PADI1: variants seen among roughly 807,000 people sequenced by gnomAD.
The protein encoded by PADI1 is peptidyl arginine deiminase 1, also known as protein-arginine deiminase type-1.
A neutral mutation model predicts 74.8 loss-of-function variants in PADI1; 65 were observed. The ratio of observed to expected loss-of-function variants is 0.87; its 90% CI spans 0.71 to 1.07. The LOEUF is 1.07. Among genes scored for constraint, PADI1 ranks in the 50% least tolerant of loss-of-function variants. The probability of loss-of-function intolerance (pLI) is 0.00; values close to 1 mark genes in which losing one functional copy is unlikely to be tolerated. For synonymous variants in PADI1, 371 were observed against 336.2 expected, an observed-to-expected ratio of 1.10 and a Z score of -1.13; for missense variants, 943 against 854.0, an observed-to-expected ratio of 1.10 and a Z score of -1.30.
intron 1 of PADI1, among the ~76,000 whole-genome samples, chr1:17,215,105 G>A (rs2071940456): frequency 6.6e-6 from 1 of 152,142 alleles, no homozygotes; most frequent in Non-Finnish European, 1.5e-5. Flanking sequence ...GTGGCCCTGG[G>A]CCTCAGACCT....
chr1:17,209,934 T>C (rs950921027), intron 1 of PADI1, among the ~76,000 whole-genome samples: 12 of 152,068 alleles, frequency 7.9e-5, no homozygotes, highest in African/African-American at 2.7e-4. Context: ...CACTACAACC[T>C]CCATCTCCCA....
intron 10 of PADI1, among the ~76,000 whole-genome samples, chr1:17,231,213 T>A (rs1043945755): frequency 6.6e-5 from 10 of 152,190 alleles, no homozygotes; most frequent in African/African-American, 2.2e-4. Context: ...ACCTTATGTA[T>A]TCCATGGGGT....
Position 17,242,187 on chromosome 1 carries a change from A to G in PADI1, c.1758+1427A>G, listed in dbSNP as rs139883560. ...TTAGCGGCCTCCCTGGTCTCTACCC[A>G]CTAGATGCCAATAGCACTCTCCCAG... On this transcript the variant is annotated intron_variant, in intron 15 of 15. Transcript: ENST00000375471. Among the ~76,000 whole-genome samples, 1,268 of 152,286 alleles carry G rather than the reference A, an allele frequency of 8.3e-3. 18 individuals are homozygous for G. The highest frequency in any genetic ancestry group is 0.029 in the African/African-American group (1,218 of 41,550).
At chr1:17,223,425 G>T in intron 2 of PADI1, 196 bp from the exon 3 acceptor site, 1 of 582,794 alleles carries the variant, frequency 1.7e-6, no homozygotes, top group South Asian at 2.0e-5. Context: ...ACCAAGGTGG[G>T]CTCCACAGCC....
chr1:17,238,937 G>A lies in PADI1; in HGVS notation c.1552+228G>A, dbSNP rs373653077. ...TGCCCCAGGTGCCGGTCAATGCCAG[G>A]CATGTTCTTGTTCTCACTCCCCTTT... On this transcript the variant is annotated intron_variant, in intron 13 of 15. Coordinates refer to ENST00000375471, the MANE Select transcript of PADI1 (RefSeq NM_013358.3). Among the ~76,000 whole-genome samples, 13 of 152,308 alleles carry A rather than the reference G, an allele frequency of 8.5e-5. No homozygotes were observed. The South Asian group carries it at 2.3e-3, about 27-fold the overall frequency.
chr1:17,237,532 A>G, intron 12 of PADI1, 74 bp downstream of exon 12: 1 of 1,423,220 alleles, frequency 7.0e-7, no homozygotes. Flanking sequence ...GGGCAAAGCC[A>G]TCTGGAACCA....
intron 1 of PADI1, among the ~76,000 whole-genome samples, chr1:17,207,476 C>T (rs2071714119): frequency 1.3e-5 from 2 of 152,142 alleles, no homozygotes; most frequent in Admixed American, 6.5e-5. Flanking sequence ...ATAAATGAGC[C>T]CATGCATGTA....
intron 8 of PADI1, among the ~76,000 whole-genome samples, chr1:17,229,843 T>G (rs745664546): frequency 1.3e-5 from 2 of 152,232 alleles, no homozygotes; most frequent in African/African-American, 2.4e-5. Context: ...CTCCCTGTGC[T>G]GGGTTAGGTG....
chr1:17,220,141 T>C (rs908328626), intron 1 of PADI1, among the ~76,000 whole-genome samples: 2 of 127,310 alleles, frequency 1.6e-5, no homozygotes, highest in Admixed American at 8.2e-5. Context: ...ATGGGGGAGG[T>C]GGGTCTTGCC....
At chr1:17,223,585 G>A (rs754929800) in intron 2 of PADI1, 36 bp from the exon 3 acceptor site, 34 of 1,559,322 alleles carry the variant, frequency 2.2e-5, no homozygotes, top group Non-Finnish European at 2.9e-5. Context: ...ATCTCTGAAG[G>A]TGATGGCCGT....
chr1:17,240,833 C>G, intron 15 of PADI1, 73 bp downstream of exon 15: 1 of 1,535,610 alleles, frequency 6.5e-7, no homozygotes, highest in Non-Finnish European at 8.9e-7. Flanking sequence ...TGGCCCAGGG[C>G]AGGCTGGTGC....
chr1:17,224,436 C>T lies in PADI1; in HGVS notation c.408+8C>T. Reference sequence around the variant, plus strand: ...AGGAGCCAAGGGGACAAGGTGAGACCCTTCCGGGCACCCCAAGGCTGCGGG... The same window carrying T: ...AGGAGCCAAGGGGACAAGGTGAGACTCTTCCGGGCACCCCAAGGCTGCGGG... On this transcript the variant is annotated splice_region_variant and intron_variant, in intron 4 of 15. Coordinates refer to ENST00000375471, the MANE Select transcript of PADI1 (RefSeq NM_013358.3). 3.7e-6 allele frequency: 6 copies of T among 1,611,358 alleles called. No individual in the cohort carries two copies. The highest frequency in any genetic ancestry group is 2.5e-6 in the Non-Finnish European group (3 of 1,178,150).
chr1:17,212,032 A>T (rs923168737), intron 1 of PADI1, among the ~76,000 whole-genome samples: 1 of 152,204 alleles, frequency 6.6e-6, no homozygotes, highest in East Asian at 1.9e-4. Flanking sequence ...AGGCAGAGCC[A>T]CTGGCAGCAC....
At chr1:17,232,389 C>T (rs1415770230) in intron 10 of PADI1, among the ~76,000 whole-genome samples, 1 of 152,172 alleles carries the variant, frequency 6.6e-6, no homozygotes, top group African/African-American at 2.4e-5. Flanking sequence ...ACAGGCTTGC[C>T]CCACCACGCT....
intron 13 of PADI1, 40 bp from the exon 14 acceptor site, chr1:17,239,664 A>C: frequency 6.7e-7 from 1 of 1,485,856 alleles, no homozygotes; most frequent in Non-Finnish European, 9.4e-7. Context: ...GCCTCCAGGC[A>C]GTGCTCCCTG....
At chr1:17,235,374 C>T (rs1416924064) in intron 11 of PADI1, among the ~76,000 whole-genome samples, 7 of 152,002 alleles carry the variant, frequency 4.6e-5, no homozygotes, top group African/African-American at 1.7e-4. Context: ...AGCCTGGAAG[C>T]CAGAGAAGGT....
rs573476735 is a variant in PADI1, at chr1:17,229,011, A to G, written c.889A>G (p.Thr297Ala). The G allele has an allele frequency of 6.7e-5, 107 of 1,590,196 alleles. No individual in the cohort carries two copies. The South Asian group carries it at 1.1e-3, about 16-fold the overall frequency. The change falls in exon 8 of 16, where the codon ACG becomes GCG. Residue 297 changes from threonine to alanine, a missense_variant. Transcript: ENST00000375471. ...CTTCCGCATGGCCCCCTGGATCATG[A>G]CGCCCAACACTCAGCCTCCTGAGGA... Reference protein sequence around the residue: ...VGFRMAPWIMTPNTQPPEELY... With the variant: ...VGFRMAPWIMAPNTQPPEELY...
At chr1:17,223,805 C>A (rs1224523935) in intron 3 of PADI1, 112 bp downstream of exon 3, 10 of 866,668 alleles carry the variant, frequency 1.2e-5, no homozygotes. Context: ...CTTCCTCCAT[C>A]ACTGAGGGGC....
chr1:17,208,349 A>T, intron 1 of PADI1, among the ~76,000 whole-genome samples: 1 of 151,600 alleles, frequency 6.6e-6, no homozygotes, highest in Middle Eastern at 3.2e-3. Context: ...GGAATCCTCG[A>T]CTCAGCATGT....
Sources: allele counts gnomAD v4.1 joint callset (sites outside exome capture counted in the v4.1 genomes callset), GRCh38; gene constraint gnomAD v4.1.1; transcripts MANE v1.5; gene names NCBI Gene and HGNC (gene_info 2026-07-23, HGNC 2026-07-21).